Variants in PTTG1IP2 observed in about 807,000 individuals in gnomAD.
The protein encoded by PTTG1IP2 is PTTG1IP family member 2.
intron 3 of PTTG1IP2, among the ~76,000 whole-genome samples, chr7:90,487,996 A>G (rs930835407): frequency 1.3e-5 from 2 of 152,158 alleles, no homozygotes; most frequent in African/African-American, 4.8e-5. Flanking sequence ...GGACTGAACA[A>G]ATATTAATCA....
intron 6 of PTTG1IP2, among the ~76,000 whole-genome samples, chr7:90,513,071 A>G (rs934868990): frequency 6.6e-6 from 1 of 152,208 alleles, no homozygotes; most frequent in Non-Finnish European, 1.5e-5. Context: ...GTCATTTCCA[A>G]TTTACTCTGG....
chr7:90,493,278 G>A (rs952373986), intron 5 of PTTG1IP2, among the ~76,000 whole-genome samples: 9 of 152,112 alleles, frequency 5.9e-5, no homozygotes, highest in African/African-American at 2.2e-4. Context: ...ACCTTTTAGG[G>A]TAAGGATGAA....
chr7:90,472,676 A>T (rs1797705458), intron 1 of PTTG1IP2, among the ~76,000 whole-genome samples: 2 of 151,958 alleles, frequency 1.3e-5, no homozygotes, highest in Non-Finnish European at 2.9e-5. Context: ...GTTATCTGGG[A>T]GGAGGTTGGA....
intron 2 of PTTG1IP2, among the ~76,000 whole-genome samples, 189 bp downstream of exon 2, chr7:90,479,463 G>A (rs1306831080): frequency 6.6e-6 from 1 of 151,812 alleles, no homozygotes; most frequent in Non-Finnish European, 1.5e-5. Flanking sequence ...AAACAATGGA[G>A]ATAATTAAGT....
At chr7:90,478,240 G>A (rs1797774835) in intron 1 of PTTG1IP2, among the ~76,000 whole-genome samples, 1 of 152,136 alleles carries the variant, frequency 6.6e-6, no homozygotes, top group Non-Finnish European at 1.5e-5. Flanking sequence ...AAAAAGCTGT[G>A]GGAAGCATGT....
At chr7:90,511,107 G>T (rs1347252552) in intron 6 of PTTG1IP2, among the ~76,000 whole-genome samples, 1 of 151,824 alleles carries the variant, frequency 6.6e-6, no homozygotes, top group Non-Finnish European at 1.5e-5. Context: ...TGTGCCATTG[G>T]CACCACCTGG....
chr7:90,499,248 C>T (rs1798033967), intron 6 of PTTG1IP2, among the ~76,000 whole-genome samples: 2 of 152,182 alleles, frequency 1.3e-5, no homozygotes, highest in African/African-American at 4.8e-5. Flanking sequence ...ATATTTGGCT[C>T]TGGAAAAGAT....
At chr7:90,475,227 T>C (rs1797734261) in intron 1 of PTTG1IP2, among the ~76,000 whole-genome samples, 1 of 152,182 alleles carries the variant, frequency 6.6e-6, no homozygotes, top group Admixed American at 6.5e-5. Context: ...TAATTGTGAC[T>C]ATAGTCACAC....
chr7:90,484,405 C>G (rs1015807827), intron 2 of PTTG1IP2, among the ~76,000 whole-genome samples: 1 of 152,030 alleles, frequency 6.6e-6, no homozygotes, highest in African/African-American at 2.4e-5. Flanking sequence ...AATAAAACAG[C>G]TCTACCCTAA....
At chr7:90,486,054 CA>C (rs1168110871) in intron 2 of PTTG1IP2, among the ~76,000 whole-genome samples, 1 of 152,122 alleles carries the variant, frequency 6.6e-6, no homozygotes, top group Non-Finnish European at 1.5e-5. Flanking sequence ...TAATCTTGTC[CA>C]GTGTGAAACA....
At chr7:90,510,266 C>A (rs768118699) in intron 6 of PTTG1IP2, among the ~76,000 whole-genome samples, 3 of 152,014 alleles carry the variant, frequency 2.0e-5, no homozygotes, top group African/African-American at 7.2e-5. Flanking sequence ...TAGTTTATCA[C>A]ACATATTTAC....
intron 6 of PTTG1IP2, among the ~76,000 whole-genome samples, chr7:90,505,231 GA>G (rs1262097702): frequency 5.0e-4 from 76 of 152,262 alleles, no homozygotes; most frequent in African/African-American, 1.8e-3. Flanking sequence ...TGCCTTTTCA[GA>G]AAAAGGCAAT....
intron 2 of PTTG1IP2, among the ~76,000 whole-genome samples, chr7:90,482,512 C>T (rs570354865): frequency 1.3e-5 from 2 of 151,020 alleles, no homozygotes; most frequent in Non-Finnish European, 3.0e-5. Flanking sequence ...ACAACCCCCC[C>T]CCCACACAAC....
At chr7:90,481,724 TA>T (rs1345233167) in intron 2 of PTTG1IP2, among the ~76,000 whole-genome samples, 5 of 152,186 alleles carry the variant, frequency 3.3e-5, no homozygotes, top group Non-Finnish European at 7.4e-5. Flanking sequence ...TTTTGAATTG[TA>T]ACTCGTATCA....
At chr7:90,495,469 T>C (rs1272687606) in intron 6 of PTTG1IP2, among the ~76,000 whole-genome samples, 1 of 152,176 alleles carries the variant, frequency 6.6e-6, no homozygotes, top group Non-Finnish European at 1.5e-5. Context: ...TGTGTGTGTA[T>C]GTGTGTGTGT....
intron 4 of PTTG1IP2, among the ~76,000 whole-genome samples, chr7:90,490,225 G>T (rs1797922149): frequency 6.6e-6 from 1 of 151,818 alleles, no homozygotes. Context: ...GAGAGTATTT[G>T]CATAGTCCAT....
At chr7:90,486,628 G>A (rs756611354) in intron 2 of PTTG1IP2, among the ~76,000 whole-genome samples, 6 of 152,096 alleles carry the variant, frequency 3.9e-5, no homozygotes, top group Non-Finnish European at 8.8e-5. Flanking sequence ...GTGAGGTAAG[G>A]CTTGTTGACA....
intron 6 of PTTG1IP2, among the ~76,000 whole-genome samples, chr7:90,512,186 C>T (rs888302955): frequency 3.9e-5 from 6 of 152,082 alleles, no homozygotes; most frequent in African/African-American, 1.2e-4. Flanking sequence ...TGCCTTGTGC[C>T]AGGCATTGGG....
At chr7:90,509,569 T>A (rs1798161735) in intron 6 of PTTG1IP2, among the ~76,000 whole-genome samples, 1 of 152,080 alleles carries the variant, frequency 6.6e-6, no homozygotes, top group African/African-American at 2.4e-5. Context: ...ATGTAGTAAC[T>A]CCAACCAGAA....
Sources: allele counts gnomAD v4.1 joint callset (sites outside exome capture counted in the v4.1 genomes callset), GRCh38; gene constraint gnomAD v4.1.1; transcripts MANE v1.5; gene names NCBI Gene and HGNC (gene_info 2026-07-23, HGNC 2026-07-21).